Variants in PCP4 observed in about 807,000 individuals in gnomAD.
The protein encoded by PCP4 is calmodulin regulator protein PCP4.
A neutral mutation model predicts 10.0 loss-of-function variants in PCP4; 8 were observed. That is an observed-to-expected ratio of 0.80 (90% CI 0.47 to 1.45). PCP4 has a LOEUF of 1.45. Among genes scored for constraint, PCP4 ranks in the 40% most tolerant of loss-of-function variants. The probability of loss-of-function intolerance (pLI) is 0.00; values close to 1 mark genes in which losing one functional copy is unlikely to be tolerated. For missense variants in PCP4, 54 were observed against 74.4 expected (o/e 0.73, Z 1.01); for synonymous variants, 21 against 23.0 (o/e 0.91, Z 0.24).
intron 2 of PCP4, among the ~76,000 whole-genome samples, chr21:39,903,279 C>G (rs1002154349): frequency 6.6e-6 from 1 of 152,142 alleles, no homozygotes; most frequent in Non-Finnish European, 1.5e-5. Flanking sequence ...CTTGACTTAG[C>G]GAGCTGTGAT....
intron 2 of PCP4, among the ~76,000 whole-genome samples, chr21:39,920,196 G>A (rs2087589391): frequency 6.9e-6 from 1 of 144,918 alleles, no homozygotes; most frequent in African/African-American, 2.6e-5. Context: ...GTTTGTGTGT[G>A]ATACGATATG....
intron 2 of PCP4, among the ~76,000 whole-genome samples, chr21:39,916,518 C>G (rs963057805): frequency 4.6e-5 from 7 of 152,142 alleles, no homozygotes; most frequent in African/African-American, 1.7e-4. Context: ...TATGTCTTAG[C>G]TCAACCATTA....
intron 2 of PCP4, among the ~76,000 whole-genome samples, chr21:39,915,305 T>A (rs1043848524): frequency 2.0e-5 from 3 of 152,064 alleles, no homozygotes; most frequent in Non-Finnish European, 4.4e-5. Flanking sequence ...AGAAACTGAA[T>A]GGATGCACGT....
chr21:39,879,510 C>T (rs180893058), intron 1 of PCP4, among the ~76,000 whole-genome samples: 6 of 152,288 alleles, frequency 3.9e-5, no homozygotes, highest in Admixed American at 3.3e-4. Context: ...AGAGTTCCCC[C>T]ACAGTTGCAT....
intron 1 of PCP4, among the ~76,000 whole-genome samples, chr21:39,877,598 G>A (rs1375798515): frequency 1.3e-5 from 2 of 152,092 alleles, no homozygotes; most frequent in Non-Finnish European, 2.9e-5. Context: ...TCAGGAGGCT[G>A]AGATGGGTGG....
At chr21:39,900,742 C>T (rs1395202039) in intron 2 of PCP4, among the ~76,000 whole-genome samples, 2 of 152,168 alleles carry the variant, frequency 1.3e-5, no homozygotes, top group Admixed American at 6.5e-5. Flanking sequence ...AAGAATGAAT[C>T]TCTATACTGG....
At chr21:39,887,490 G>A (rs560051672) in intron 1 of PCP4, among the ~76,000 whole-genome samples, 5 of 152,100 alleles carry the variant, frequency 3.3e-5, no homozygotes, top group South Asian at 2.1e-4. Flanking sequence ...TATCACTGGC[G>A]AGAAATTAAA....
chr21:39,887,148 A>G (rs1314226859), intron 1 of PCP4, among the ~76,000 whole-genome samples: 1 of 152,186 alleles, frequency 6.6e-6, no homozygotes, highest in African/African-American at 2.4e-5. Context: ...TGGTTTGCCT[A>G]AACTGCAGTG....
intron 2 of PCP4, chr21:39,926,067 C>T (rs2037921): frequency 0.49 from 223,086 of 455,136 alleles, 55,617 homozygotes; most frequent in Admixed American, 0.55. Flanking sequence ...CATTCTCTTC[C>T]TTACACACTC....
At chr21:39,881,799 G>A (rs1252745182) in intron 1 of PCP4, among the ~76,000 whole-genome samples, 3 of 152,200 alleles carry the variant, frequency 2.0e-5, no homozygotes, top group Admixed American at 6.5e-5. Flanking sequence ...CAGAAAGGGG[G>A]CGTCCAAGTC....
chr21:39,886,444 A>G (rs1369110656), intron 1 of PCP4, among the ~76,000 whole-genome samples: 1 of 152,186 alleles, frequency 6.6e-6, no homozygotes, highest in Non-Finnish European at 1.5e-5. Context: ...CAAATCTACT[A>G]AAAATACAAA....
chr21:39,920,277 AGTGT>A (rs2087590359), intron 2 of PCP4, among the ~76,000 whole-genome samples: 1 of 54,772 alleles, frequency 1.8e-5, no homozygotes, highest in Non-Finnish European at 3.6e-5. Flanking sequence ...TGTGTGGTGT[AGTGT>A]GTGTGGTGTG....
At chr21:39,885,865 CAACAGAAATG>C (rs969640280) in intron 1 of PCP4, among the ~76,000 whole-genome samples, 3 of 152,238 alleles carry the variant, frequency 2.0e-5, no homozygotes, top group Non-Finnish European at 2.9e-5. Context: ...GCAGCTTAAA[CAACAGAAATG>C]TATTCTCTTA....
intron 1 of PCP4, among the ~76,000 whole-genome samples, chr21:39,888,082 A>G (rs944654400): frequency 3.3e-5 from 5 of 152,220 alleles, no homozygotes; most frequent in African/African-American, 1.2e-4. Flanking sequence ...CCCTGAAACC[A>G]TTAGAAGTGT....
rs546479361 is a variant in PCP4, at chr21:39,891,246, C to A, written c.10-7230C>A. 3.9e-5 allele frequency among the ~76,000 whole-genome samples: 6 copies of A among 152,342 alleles called. No individual in the cohort carries two copies. In the East Asian group the frequency reaches 1.2e-3, roughly 29 times the overall value. On this transcript the variant is annotated intron_variant, in intron 1 of 2. Coordinates refer to ENST00000328619, the MANE Select transcript of PCP4 (RefSeq NM_006198.3). ...CACCTCTCATGTGTCACTAGGCCCT[C>A]TCTGAGGACCCCCGTGGGTGGCTGC... is the stretch of plus-strand genomic sequence containing the variant.
At chr21:39,918,213 GT>G (rs1474999309) in intron 2 of PCP4, among the ~76,000 whole-genome samples, 2 of 152,150 alleles carry the variant, frequency 1.3e-5, no homozygotes, top group Non-Finnish European at 1.5e-5. Flanking sequence ...ATTATACCTT[GT>G]TTTTTTGTGC....
chr21:39,910,440 G>A (rs3819591), intron 2 of PCP4, among the ~76,000 whole-genome samples: 35,014 of 151,794 alleles, frequency 0.23, 4,291 homozygotes, highest in South Asian at 0.36. Flanking sequence ...TTGGATGGAT[G>A]TGCACTCACC....
In PCP4 at chr21:39,906,385, T is replaced by G. The variant is rs1284740863; in HGVS notation, c.61+7858T>G. ...TCCATAGTACCATTATCCCATCAGTTTAGTTAACTAGCCTCTGGCAAATAG... is the reference window on the plus strand; with the variant it reads ...TCCATAGTACCATTATCCCATCAGTGTAGTTAACTAGCCTCTGGCAAATAG... On this transcript the variant is annotated intron_variant, in intron 2 of 2. Transcript: ENST00000328619. The surrounding 1 kb of genome is among the most constrained non-coding windows in gnomAD (Gnocchi z 6.3). 1.3e-5 allele frequency among the ~76,000 whole-genome samples: 2 copies of G among 152,196 alleles called. No homozygotes were observed. Among genetic ancestry groups the G allele is most frequent in the Non-Finnish European group, 2.9e-5 (2 of 68,026 alleles).
chr21:39,911,957 A>G (rs548679297), intron 2 of PCP4, among the ~76,000 whole-genome samples: 5 of 152,324 alleles, frequency 3.3e-5, no homozygotes, highest in Admixed American at 1.3e-4. Flanking sequence ...GAAACGGCCT[A>G]TTAGGTCACC....
Sources: gnomAD v4.1 joint callset for allele counts (sites outside exome capture counted in the v4.1 genomes callset) on GRCh38, gnomAD v4.1.1 for gene constraint, Gnocchi (gnomAD v3.1) non-coding constraint, MANE v1.5 for transcripts, NCBI Gene and HGNC (gene_info 2026-07-23, HGNC 2026-07-21) for gene names.